PRIM2: variants seen among roughly 807,000 people sequenced by gnomAD.
PRIM2 encodes the protein DNA primase subunit 2, also known as DNA primase large subunit.
A neutral mutation model predicts 67.3 loss-of-function variants in PRIM2; 39 were observed. The observed-to-expected ratio is 0.58, with a 90% CI of 0.45 to 0.76. The LOEUF (loss-of-function observed/expected upper bound fraction) is 0.76, where lower values mean the gene tolerates loss of function less well. Among genes scored for constraint, PRIM2 ranks in the 30% least tolerant of loss-of-function variants. PRIM2 has a pLI of 0.00. For synonymous variants in PRIM2, 143 were observed against 198.7 expected (o/e 0.72, Z 2.36); for missense variants, 398 against 598.7 (o/e 0.66, Z 3.50).
chr6:57,401,565 C>G (rs1313718697), intron 7 of PRIM2, among the ~76,000 whole-genome samples: 1 of 152,200 alleles, frequency 6.6e-6, no homozygotes, highest in Non-Finnish European at 1.5e-5. Flanking sequence ...TAGATTGCAG[C>G]TTGGCACTCC....
chr6:57,431,667 G>A (rs1244093553), intron 7 of PRIM2, among the ~76,000 whole-genome samples: 1 of 152,032 alleles, frequency 6.6e-6, no homozygotes, highest in Non-Finnish European at 1.5e-5. Context: ...AATGTGATTT[G>A]TTTTGTTTGA....
intron 5 of PRIM2, among the ~76,000 whole-genome samples, chr6:57,348,005 A>G (rs1768733471): frequency 6.6e-6 from 1 of 152,190 alleles, no homozygotes. Flanking sequence ...TTAGTTTCGG[A>G]AATTAAAGCA....
intron 7 of PRIM2, among the ~76,000 whole-genome samples, chr6:57,439,269 A>T (rs1772116658): frequency 6.6e-6 from 1 of 152,006 alleles, no homozygotes; most frequent in African/African-American, 2.4e-5. Flanking sequence ...TTTTTTATTT[A>T]ATTGAATCTA....
the PRIM2 span, among the ~76,000 whole-genome samples, chr6:57,258,850 T>C: frequency 6.6e-6 from 1 of 152,154 alleles, no homozygotes; most frequent in Non-Finnish European, 1.5e-5. Flanking sequence ...CCTGGACTCT[T>C]GGAGGGCAGA....
chr6:57,357,853 C>T (rs1199824861), intron 5 of PRIM2, among the ~76,000 whole-genome samples: 1 of 152,048 alleles, frequency 6.6e-6, no homozygotes, highest in Non-Finnish European at 1.5e-5. Flanking sequence ...CTTGGCCTCC[C>T]AAAGTGCTGG....
chr6:57,312,336 A>G (rs1037355288), upstream of PRIM2, among the ~76,000 whole-genome samples: 2 of 152,012 alleles, frequency 1.3e-5, no homozygotes, highest in African/African-American at 4.8e-5. Flanking sequence ...CCCCATCTCT[A>G]CAAAAAAATT....
the PRIM2 span, among the ~76,000 whole-genome samples, chr6:57,241,688 A>ATTTTTTT: frequency 3.1e-4 from 37 of 119,084 alleles, 1 homozygote; most frequent in African/African-American, 1.0e-3. Flanking sequence ...AGAACTATGT[A>ATTTTTTT]TTTTTTTTTT....
chr6:57,498,463 G>T (rs1477982364), intron 7 of PRIM2, among the ~76,000 whole-genome samples: 1 of 152,020 alleles, frequency 6.6e-6, no homozygotes, highest in African/African-American at 2.4e-5. Flanking sequence ...TTATCTCTTT[G>T]TCATTTGTAA....
chr6:57,597,890 A>G (rs1275076989), intron 10 of PRIM2, among the ~76,000 whole-genome samples: 1 of 152,242 alleles, frequency 6.6e-6, no homozygotes, highest in Admixed American at 6.5e-5. Flanking sequence ...AATTATTTAT[A>G]AACTCAAAAT....
At chr6:57,431,160 A>G (rs1469482359) in intron 7 of PRIM2, among the ~76,000 whole-genome samples, 2 of 149,518 alleles carry the variant, frequency 1.3e-5, no homozygotes, top group African/African-American at 4.9e-5. Flanking sequence ...CATCTGTTTT[A>G]TTGCCTCTTT....
intron 7 of PRIM2, among the ~76,000 whole-genome samples, chr6:57,424,727 G>A (rs1157641990): frequency 1.3e-5 from 2 of 152,254 alleles, no homozygotes; most frequent in East Asian, 1.9e-4. Context: ...TAATTTAAAT[G>A]GAAGAAATTA....
chr6:57,299,292 T>TA, the PRIM2 span, among the ~76,000 whole-genome samples: 1,451 of 151,944 alleles, frequency 9.5e-3, 23 homozygotes, highest in African/African-American at 0.033. Flanking sequence ...CTTGATAAAA[T>TA]AAAAAAAATC....
chr6:57,457,988 T>G (rs1772863111), intron 7 of PRIM2, among the ~76,000 whole-genome samples: 1 of 152,244 alleles, frequency 6.6e-6, no homozygotes, highest in Non-Finnish European at 1.5e-5. Flanking sequence ...TAAAGTGTCT[T>G]AGATTCATTC....
the PRIM2 span, among the ~76,000 whole-genome samples, chr6:57,226,447 T>C: frequency 6.6e-6 from 1 of 152,170 alleles, no homozygotes; most frequent in Non-Finnish European, 1.5e-5. Flanking sequence ...TCACTGGGTT[T>C]GAATAATTGA....
intron 13 of PRIM2, among the ~76,000 whole-genome samples, chr6:57,637,457 C>G (rs1291716253): frequency 0.031 from 4,709 of 152,118 alleles, 224 homozygotes; most frequent in African/African-American, 0.11. Flanking sequence ...TAACAACCTC[C>G]TCCGAACTAA....
At chr6:57,569,510 A>G (rs1245773697) in intron 10 of PRIM2, among the ~76,000 whole-genome samples, 2 of 152,126 alleles carry the variant, frequency 1.3e-5, no homozygotes, top group African/African-American at 4.8e-5. Context: ...TAAAACCAAA[A>G]CACTGATAAC....
chr6:57,422,158 C>T (rs9370604), intron 7 of PRIM2, among the ~76,000 whole-genome samples: 53 of 103,282 alleles, frequency 5.1e-4, no homozygotes, highest in Non-Finnish European at 6.0e-4. Context: ...TCTTTTCTTT[C>T]TTTTTTTTTT....
chr6:57,409,867 A>G (rs1350448491), intron 7 of PRIM2, among the ~76,000 whole-genome samples: 2 of 152,218 alleles, frequency 1.3e-5, no homozygotes, highest in African/African-American at 2.4e-5. Flanking sequence ...GAAGTATTCA[A>G]CTGACCCAAG....
At chr6:57,413,848 C>T (rs1771172104) in intron 7 of PRIM2, among the ~76,000 whole-genome samples, 3 of 151,990 alleles carry the variant, frequency 2.0e-5, no homozygotes. Context: ...ATGTATTTAT[C>T]TCATCTATGC....
Sources: allele counts gnomAD v4.1 joint callset (sites outside exome capture counted in the v4.1 genomes callset), GRCh38; gene constraint gnomAD v4.1.1; transcripts MANE v1.5; gene names NCBI Gene and HGNC (gene_info 2026-07-23, HGNC 2026-07-21).